The following SALL2 variants were observed in gnomAD, a reference collection of about 807,000 sequenced individuals.
SALL2 encodes the protein sal-like protein 2.
SALL2 carries 32 observed loss-of-function variants against 58.5 expected under a neutral mutation model. The observed-to-expected ratio is 0.55, with a 90% CI of 0.41 to 0.74. SALL2 has a LOEUF of 0.74. Ranked by LOEUF, SALL2 falls within the 30% of genes least tolerant of loss-of-function variation. The probability of loss-of-function intolerance (pLI) is 0.00; values close to 1 mark genes in which losing one functional copy is unlikely to be tolerated. For missense variants in SALL2, 1,201 were observed against 1,268.9 expected (o/e 0.95, Z 0.81); for synonymous variants, 516 against 513.6 (o/e 1.00, Z -0.06).
At chr14:21,530,209 G>C (rs1892419802), upstream of SALL2, among the ~76,000 whole-genome samples, 2 of 151,494 alleles carry the variant, frequency 1.3e-5, no homozygotes. Context: ...TTCTTTCCCA[G>C]GTATGGGTAT....
chr14:21,528,952 C>A (rs1892391796), upstream of SALL2, among the ~76,000 whole-genome samples: 2 of 152,240 alleles, frequency 1.3e-5, no homozygotes, highest in South Asian at 4.1e-4. Flanking sequence ...AAAAGAAATC[C>A]TTTTCTTTTC....
At position 21,524,326 on chromosome 14, in the gene SALL2, G is replaced by C; in HGVS notation, c.1396C>G (p.Pro466Ala). The C allele has an allele frequency of 1.2e-6, 2 of 1,613,796 alleles. No individual in the cohort carries two copies. The highest frequency in any genetic ancestry group is 1.7e-6 in the Non-Finnish European group (2 of 1,179,892). The change falls in exon 2 of 2, where the codon CCA becomes GCA. Residue 466 changes from proline (P) to alanine (A), a missense_variant. Physicochemically the swap from Pro to Ala is conservative, Grantham distance 27 (BLOSUM62 -1). Around this residue, in one of 3 missense-constraint regions of SALL2, gnomAD observed 675 missense variants for 683.8 expected, o/e 0.99. Transcript: ENST00000537235. ...GGCTTGCGCTCAACCCCTCCACCTG[G>C]AGTGGCTGCCTCCTCCTCGGCCTTC... ...PEKAEEEAAT[P>A]GGGVERKPLV...
At chr14:21,528,304 TGTTA>T (rs1263793758), upstream of SALL2, among the ~76,000 whole-genome samples, 2 of 152,164 alleles carry the variant, frequency 1.3e-5, no homozygotes, top group African/African-American at 4.8e-5. Context: ...CCATGTTGTT[TGTTA>T]ATCTTATTAA....
Position 21,522,274 on chromosome 14 carries a change from G to A in SALL2, c.*430C>T, listed in dbSNP as rs117928550. ...AAAGATAGGGGACCCATACCCACCA[G>A]CTGAGCAGAAAGGTCACCCCAGAGG... On this transcript the variant is annotated 3_prime_UTR_variant, in exon 2 of 2. Transcript: ENST00000537235. 6.7e-4 allele frequency: 1,047 copies of A among 1,556,288 alleles called. 7 individuals are homozygous for A. The East Asian group carries it at 0.022, about 33-fold the overall frequency.
Position 21,523,539 on chromosome 14 carries a change from C to G in SALL2, c.2183G>C (p.Gly728Ala), listed in dbSNP as rs1401016898. Residue 728 changes from glycine (G) to alanine (A), a missense_variant, in exon 2 of 2, where the codon GGA (glycine) becomes GCA (alanine). Physicochemically the swap from Gly to Ala is moderately conservative, Grantham distance 60. Coordinates refer to ENST00000537235, the MANE Select transcript of SALL2 (RefSeq NM_001364564.1). The surrounding 1 kb of genome is among the most constrained non-coding windows in gnomAD (Gnocchi z 4.4). ...NGGTALPEGG[G>A]AAQENGSEQS... ...CTCGGAGCCATTCTCCTGAGCAGCT[C>G]CTCCACCTTCAGGGAGTGCAGTACC... is the stretch of plus-strand genomic sequence containing the variant. The G allele has an allele frequency of 6.2e-7, 1 of 1,614,238 alleles. No individual in the cohort carries two copies. The highest frequency in any genetic ancestry group is 8.5e-7 in the Non-Finnish European group (1 of 1,180,052).
chr14:21,524,177 C>T lies in SALL2; in HGVS notation c.1545G>A (p.Val515=), dbSNP rs202217090. The change falls in exon 2 of 2, where the codon GTG becomes GTA. Residue 515 remains valine, a synonymous_variant. Coordinates refer to ENST00000537235, the MANE Select transcript of SALL2 (RefSeq NM_001364564.1). ...TTTCATCAGCTTTATTCTTGGGTTC[C>T]ACTGCTTTCATGAGCACAAACTTAT... is the stretch of plus-strand genomic sequence containing the variant. ...AFNKFVLMKA[V]EPKNKADENT... is the part of the protein sequence containing the mutation. 7 of 1,612,352 alleles carry T rather than the reference C, an allele frequency of 4.3e-6. No homozygotes were observed. The highest frequency in any genetic ancestry group is 5.9e-6 in the Non-Finnish European group (7 of 1,179,128).
At chr14:21,526,020 T>TCCCCCCCCCCCCCCCCCCCCCCCCC in intron 1 of SALL2, 41 bp downstream of exon 1, 1 of 809,706 alleles carries the variant, frequency 1.2e-6, no homozygotes, top group Non-Finnish European at 2.0e-6. Context: ...CGCATCCCCC[T>TCCCCCCCCCCCCCCCCCCCCCCCCC]CCGCCCCCAC....
At chr14:21,532,988 TAAATA>T (rs1892505514) in intron 1 of SALL2, among the ~76,000 whole-genome samples, 1 of 150,776 alleles carries the variant, frequency 6.6e-6, no homozygotes, top group Non-Finnish European at 1.5e-5. Flanking sequence ...AATAAATAAA[TAAATA>T]AAATAATAAT....
Position 21,522,583 on chromosome 14 carries a change from G to T in SALL2, c.*121C>A. On this transcript the variant is annotated 3_prime_UTR_variant, in exon 2 of 2. Transcript: ENST00000537235. ...CAGGGACTACAGAAAAGCCACTAGG[G>T]ACATAACATGTTAAGAACTTAGAGA... The T allele has an allele frequency of 7.0e-7, 1 of 1,434,772 alleles. No homozygotes were observed. The highest frequency in any genetic ancestry group is 9.1e-7 in the Non-Finnish European group (1 of 1,096,532). The allele number at this position is 1,434,772 out of a possible 1,614,324, so 88.9% of individuals were successfully genotyped here. A position where few individuals can be genotyped will look rare whatever the true frequency, so the allele number is the denominator to read the frequency against.
At position 21,522,517 on chromosome 14, in the gene SALL2, T is replaced by A; in HGVS notation, c.*187A>T. On this transcript the variant is annotated 3_prime_UTR_variant, in exon 2 of 2. Transcript: ENST00000537235. ...AGAATGAGGAGGGAAGAAAAATTCC[T>A]TAGGGGGCCATCCCCTTGTAAGCAC... is the stretch of plus-strand genomic sequence containing the variant. 7.2e-7 allele frequency: 1 copy of A among 1,386,554 alleles called. No homozygotes were observed. Among genetic ancestry groups the A allele is most frequent in the Non-Finnish European group, 9.3e-7 (1 of 1,075,104 alleles). 85.9% of individuals were successfully genotyped at this position (1,386,554 alleles called of 1,614,324 possible). A position where few individuals can be genotyped will look rare whatever the true frequency, so the allele number is the denominator to read the frequency against.
In SALL2 at chr14:21,525,364, A is replaced by G. The variant is rs1263811; in HGVS notation, c.358T>C (p.Ser120Pro). ...GTGGCAGCGACCAGGAAATGCCCTG[A>G]AGACTCCTCTCCTCTCCTCTCTGGG... ...WGPERRGEES[S>P]GHFLVAATGT... is the part of the protein sequence containing the mutation. The change falls in exon 2 of 2, where the codon TCA (serine) becomes CCA (proline). Residue 120 changes from serine (S) to proline (P), a missense_variant. Around this residue, in one of 3 missense-constraint regions of SALL2, gnomAD observed 467 missense variants for 468.9 expected, o/e 1.00. Coordinates refer to ENST00000537235, the MANE Select transcript of SALL2 (RefSeq NM_001364564.1). The surrounding 1 kb of genome is among the most constrained non-coding windows in gnomAD (Gnocchi z 4.4). The G allele has an allele frequency of 0.15, 234,860 of 1,613,858 alleles. 18,809 individuals are homozygous for G. Among genetic ancestry groups the G allele is most frequent in the African/African-American group, 0.3 (22,727 of 74,940 alleles).
At chr14:21,526,382 G>A (rs942819833), upstream of SALL2, 4 of 1,364,828 alleles carry the variant, frequency 2.9e-6, no homozygotes, top group African/African-American at 3.0e-5. Context: ...TTATGGGGAG[G>A]AGCTGCTGGG....
chr14:21,529,513 G>A (rs1892404031), upstream of SALL2, among the ~76,000 whole-genome samples: 1 of 151,930 alleles, frequency 6.6e-6, no homozygotes, highest in Non-Finnish European at 1.5e-5. Context: ...CCAGAAGAGA[G>A]TTTTAAAATT....
In SALL2 at chr14:21,523,583, C is replaced by G. The variant is rs367939762; in HGVS notation, c.2139G>C (p.Gly713=). ...TLQQHVRMHL[G]GQIPNGGTAL... ...CAGTACCACCGTTGGGGATCTGGCC[C>G]CCCAGGTGCATCCGGACATGCTGCT... The change falls in exon 2 of 2, where the codon GGG becomes GGC. Residue 713 remains glycine, a synonymous_variant. Coordinates refer to ENST00000537235, the MANE Select transcript of SALL2 (RefSeq NM_001364564.1). This position sits in a 1 kb window ranked among gnomAD's most constrained non-coding sequence, Gnocchi z 4.4. The G allele has an allele frequency of 2.5e-6, 4 of 1,614,126 alleles. No homozygotes were observed. In the East Asian group the frequency reaches 8.9e-5, roughly 36 times the overall value.
chr14:21,536,425 C>G (rs923453856), intron 1 of SALL2, among the ~76,000 whole-genome samples: 4 of 152,114 alleles, frequency 2.6e-5, no homozygotes, highest in African/African-American at 4.8e-5. Flanking sequence ...CTCAGGGGAG[C>G]CTTCACGTTT....
intron 1 of SALL2, among the ~76,000 whole-genome samples, chr14:21,534,134 T>G (rs1047743796): frequency 1.3e-5 from 2 of 152,324 alleles, no homozygotes; most frequent in Admixed American, 6.5e-5. Flanking sequence ...AGAAAATTTA[T>G]TAATTTAAAA....
At chr14:21,536,674 G>A (rs1168731682) in intron 1 of SALL2, among the ~76,000 whole-genome samples, 4 of 152,132 alleles carry the variant, frequency 2.6e-5, no homozygotes, top group Non-Finnish European at 5.9e-5. Flanking sequence ...TAACAAGCGG[G>A]GCTTCTCCCC....
chr14:21,528,025 C>G (rs145092437), upstream of SALL2, among the ~76,000 whole-genome samples: 3,200 of 151,838 alleles, frequency 0.021, 114 homozygotes, highest in African/African-American at 0.074. Context: ...TTAATCCCAG[C>G]TACTGGGGCA....
Position 21,524,147 on chromosome 14 carries a change from G to C in SALL2, c.1575C>G (p.Thr525=), listed in dbSNP as rs746574039. 1 of 1,612,478 alleles carries C rather than the reference G, an allele frequency of 6.2e-7. No individual in the cohort carries two copies. Among genetic ancestry groups the C allele is most frequent in the Admixed American group, 1.7e-5 (1 of 59,846 alleles). ...VEPKNKADEN[T]PPGSEGSAIS... Reference sequence around the variant, plus strand: ...TGGCTGAGCCCTCACTCCCTGGGGGGGTGTTTTCATCAGCTTTATTCTTGG... The same window carrying C: ...TGGCTGAGCCCTCACTCCCTGGGGGCGTGTTTTCATCAGCTTTATTCTTGG... The change falls in exon 2 of 2, where the codon ACC becomes ACG. Residue 525 remains threonine (T), a synonymous_variant. Transcript: ENST00000537235.
Sources: allele counts gnomAD v4.1 joint callset (sites outside exome capture counted in the v4.1 genomes callset), GRCh38; gene constraint gnomAD v4.1.1; regional missense constraint gnomAD v4.1.1; non-coding constraint Gnocchi (gnomAD v3.1); transcripts MANE v1.5; gene names NCBI Gene and HGNC (gene_info 2026-07-23, HGNC 2026-07-21).